BRAP: variants seen among roughly 807,000 people sequenced by gnomAD.
BRAP encodes BRCA1 associated protein.
BRAP carries 42 observed loss-of-function variants against 73.4 expected under a neutral mutation model. The ratio of observed to expected loss-of-function variants is 0.57; its 90% CI spans 0.45 to 0.74. The LOEUF (loss-of-function observed/expected upper bound fraction) is 0.74, where lower values mean the gene tolerates loss of function less well. Among genes scored for constraint, BRAP ranks in the 30% least tolerant of loss-of-function variants. The pLI, the probability that BRAP is intolerant of heterozygous loss-of-function variation, is 0.00. For missense variants in BRAP, 593 were observed against 751.4 expected (o/e 0.79, Z 2.46); for synonymous variants, 255 against 267.4 (o/e 0.95, Z 0.45).
At chr12:111,663,363 G>A (rs1269585760) in intron 6 of BRAP, among the ~76,000 whole-genome samples, 1 of 152,088 alleles carries the variant, frequency 6.6e-6, no homozygotes, top group Non-Finnish European at 1.5e-5. Flanking sequence ...TGAGGCACGA[G>A]GACTGCTTGA....
chr12:111,650,483 C>T (rs1249935927), intron 10 of BRAP, among the ~76,000 whole-genome samples: 2 of 152,178 alleles, frequency 1.3e-5, no homozygotes, highest in Non-Finnish European at 2.9e-5. Flanking sequence ...CCAGGCTGGT[C>T]TCGAACACCT....
Position 111,642,616 on chromosome 12 carries a change from T to G in BRAP, c.*1583A>C, listed in dbSNP as rs1176038417. 6.6e-6 allele frequency: 1 copy of G among 152,188 alleles called. No homozygotes were observed. The highest frequency in any genetic ancestry group is 2.4e-5 in the African/African-American group (1 of 41,452). 9.4% of individuals were successfully genotyped at this position (152,188 alleles called of 1,614,324 possible). A position where few individuals can be genotyped will look rare whatever the true frequency, so the allele number is the denominator to read the frequency against. On this transcript the variant is annotated 3_prime_UTR_variant, in exon 12 of 12. Coordinates refer to ENST00000419234, the MANE Select transcript of BRAP (RefSeq NM_006768.5). Reference sequence around the variant, plus strand: ...CAAGTACTTGGCCAAAACAGCAGGATTCTAACTAGTGTAAAAATAGATTTT... The same window carrying G: ...CAAGTACTTGGCCAAAACAGCAGGAGTCTAACTAGTGTAAAAATAGATTTT...
intron 5 of BRAP, among the ~76,000 whole-genome samples, chr12:111,666,224 A>C (rs762618937): frequency 3.3e-5 from 5 of 152,220 alleles, no homozygotes; most frequent in Non-Finnish European, 7.3e-5. Flanking sequence ...CCCTTACAGA[A>C]CTGACATTCC....
In BRAP at chr12:111,683,354, T is replaced by C. The variant is rs540771757; in HGVS notation, c.83-47A>G. On this transcript the variant is annotated intron_variant, in intron 1 of 11. Transcript: ENST00000419234. The stretch of plus-strand genomic sequence containing the variant: ...AATACAAGGTAATAAAACAAGCTCC[T>C]CTCTGTTCTCTATTCCTCTATCATT... 1.9e-5 allele frequency: 30 copies of C among 1,541,042 alleles called. No individual in the cohort carries two copies. In the African/African-American group the frequency reaches 4.2e-4, roughly 21 times the overall value.
chr12:111,653,781 G>T (rs868662427), intron 10 of BRAP, among the ~76,000 whole-genome samples: 1 of 152,182 alleles, frequency 6.6e-6, no homozygotes, highest in Admixed American at 6.5e-5. Context: ...AAGGAGGACC[G>T]TGGCAGAACA....
chr12:111,673,966 G>T (rs1336199124), intron 4 of BRAP, among the ~76,000 whole-genome samples: 1 of 152,150 alleles, frequency 6.6e-6, no homozygotes, highest in Non-Finnish European at 1.5e-5. Flanking sequence ...GGAGGCCAAG[G>T]CTTGTCTGGA....
At position 111,672,782 on chromosome 12, in the gene BRAP, C is replaced by A; in HGVS notation, c.634-8G>T. 1 of 1,609,204 alleles carries A rather than the reference C, an allele frequency of 6.2e-7. No homozygotes were observed. On this transcript the variant is annotated splice_polypyrimidine_tract_variant and splice_region_variant and intron_variant, in intron 4 of 11. Coordinates refer to ENST00000419234, the MANE Select transcript of BRAP (RefSeq NM_006768.5). ...AAAACTATCCGCATCAGCCTATGTA[C>A]ACCAATGGGGAAAAGGAAAAAAATT...
At chr12:111,658,516 AG>A (rs1165362269) in intron 9 of BRAP, among the ~76,000 whole-genome samples, 1 of 151,786 alleles carries the variant, frequency 6.6e-6, no homozygotes, top group Non-Finnish European at 1.5e-5. Context: ...TAGTAGAAAC[AG>A]GGTTTCACGT....
chr12:111,664,820 C>T (rs1475850350), intron 6 of BRAP, among the ~76,000 whole-genome samples: 1 of 152,198 alleles, frequency 6.6e-6, no homozygotes, highest in Admixed American at 6.5e-5. Context: ...CTGGGTTCTG[C>T]TCTTTACCCG....
intron 5 of BRAP, among the ~76,000 whole-genome samples, chr12:111,670,683 T>C (rs532395357): frequency 6.6e-6 from 1 of 152,188 alleles, no homozygotes; most frequent in African/African-American, 2.4e-5. Flanking sequence ...TAGAGATGAG[T>C]TTCCTCATGT....
intron 5 of BRAP, among the ~76,000 whole-genome samples, chr12:111,667,558 G>A (rs556166002): frequency 9.2e-5 from 14 of 151,594 alleles, no homozygotes; most frequent in African/African-American, 3.4e-4. Flanking sequence ...AAATTAGCCG[G>A]GTGTGGTCGT....
intron 5 of BRAP, among the ~76,000 whole-genome samples, chr12:111,672,027 T>C (rs1437427042): frequency 6.6e-6 from 1 of 151,934 alleles, no homozygotes; most frequent in Non-Finnish European, 1.5e-5. Context: ...CCAGCCAGGG[T>C]GATCTTGTCT....
At chr12:111,673,899 G>C (rs1396917185) in intron 4 of BRAP, among the ~76,000 whole-genome samples, 1 of 152,218 alleles carries the variant, frequency 6.6e-6, no homozygotes, top group Non-Finnish European at 1.5e-5. Context: ...AGCCTTAGTA[G>C]CAAGCAATGG....
intron 5 of BRAP, among the ~76,000 whole-genome samples, chr12:111,670,806 TAAAAG>T (rs1887139052): frequency 6.6e-6 from 1 of 151,492 alleles, no homozygotes; most frequent in African/African-American, 2.4e-5. Context: ...TAATTTAAAA[TAAAAG>T]AAATCTGGCC....
At chr12:111,680,074 A>C (rs1887542114) in intron 3 of BRAP, among the ~76,000 whole-genome samples, 1 of 150,812 alleles carries the variant, frequency 6.6e-6, no homozygotes, top group Non-Finnish European at 1.5e-5. Context: ...TCTCCTGCTC[A>C]GCCTCCCAAG....
intron 3 of BRAP, among the ~76,000 whole-genome samples, 178 bp downstream of exon 3, chr12:111,681,459 C>G (rs1887596792): frequency 6.6e-6 from 1 of 151,918 alleles, no homozygotes; most frequent in African/African-American, 2.4e-5. Flanking sequence ...TTGACCCAAT[C>G]CACAAGATTA....
At chr12:111,679,090 A>G (rs1323336471) in intron 4 of BRAP, 61 bp downstream of exon 4, 2 of 1,241,520 alleles carry the variant, frequency 1.6e-6, no homozygotes, top group Admixed American at 2.7e-5. Context: ...CAGCTATCAT[A>G]CAGTTTGAAT....
chr12:111,684,495 C>A (rs1031083403), intron 1 of BRAP, among the ~76,000 whole-genome samples: 5 of 152,154 alleles, frequency 3.3e-5, no homozygotes, highest in African/African-American at 1.2e-4. Context: ...GTAATACTTT[C>A]CCAAATTGTT....
rs1418973677 is a variant in BRAP, at chr12:111,685,814, G to A, written c.-22C>T. The A allele has an allele frequency of 2.5e-5, 38 of 1,532,244 alleles. No homozygotes were observed. Among genetic ancestry groups the A allele is most frequent in the African/African-American group, 7.1e-5 (5 of 70,400 alleles). The allele number at this position is 1,532,244 out of a possible 1,614,324, so 94.9% of individuals were successfully genotyped here. A position where few individuals can be genotyped will look rare whatever the true frequency, so the allele number is the denominator to read the frequency against. On this transcript the variant is annotated 5_prime_UTR_variant, in exon 1 of 12. Transcript: ENST00000419234. ...TCATAGGGCAGGCGCTGGCCGGCGCGGGCCCCGGCGGGCTCAGGCGAGGCT... is the reference window on the plus strand; with the variant it reads ...TCATAGGGCAGGCGCTGGCCGGCGCAGGCCCCGGCGGGCTCAGGCGAGGCT...
Sources: gnomAD v4.1 joint callset for allele counts (sites outside exome capture counted in the v4.1 genomes callset) on GRCh38, gnomAD v4.1.1 for gene constraint, MANE v1.5 for transcripts, NCBI Gene and HGNC (gene_info 2026-07-23, HGNC 2026-07-21) for gene names.